ANKRD44: variants seen among roughly 807,000 people sequenced by gnomAD.
The protein encoded by ANKRD44 is serine/threonine-protein phosphatase 6 regulatory ankyrin repeat subunit B.
In ANKRD44, 35 loss-of-function variants were observed where a neutral mutation model predicts 116.0. The ratio of observed to expected loss-of-function variants is 0.30; its 90% confidence interval spans 0.23 to 0.40. The LOEUF (loss-of-function observed/expected upper bound fraction) is 0.40. Ranked by LOEUF, ANKRD44 falls within the 10% of genes least tolerant of loss-of-function variation. The probability of loss-of-function intolerance (pLI) is 1.00; values close to 1 mark genes in which losing one functional copy is unlikely to be tolerated. For missense variants in ANKRD44, 1,014 were observed against 1,242.6 expected (o/e 0.82, Z 2.77); for synonymous variants, 435 against 461.8 (o/e 0.94, Z 0.74).
chr2:197,237,149 T>G (rs2081996636), intron 1 of ANKRD44, among the ~76,000 whole-genome samples: 1 of 152,206 alleles, frequency 6.6e-6, no homozygotes, highest in Non-Finnish European at 1.5e-5. Context: ...ACTGTATTAT[T>G]TCTTTCCCTT....
chr2:197,143,407 G>A (rs925283684), intron 3 of ANKRD44, among the ~76,000 whole-genome samples: 2 of 130,980 alleles, frequency 1.5e-5, no homozygotes, highest in African/African-American at 5.9e-5. Context: ...GTGTCCATGT[G>A]TTCTCACTGT....
At chr2:197,209,579 C>A (rs1179358883) in intron 1 of ANKRD44, among the ~76,000 whole-genome samples, 1 of 152,218 alleles carries the variant, frequency 6.6e-6, no homozygotes, top group African/African-American at 2.4e-5. Context: ...CAATCATTAC[C>A]AGTCAATAAC....
intron 1 of ANKRD44, among the ~76,000 whole-genome samples, chr2:197,260,970 G>T (rs1377357913): frequency 1.3e-5 from 2 of 150,100 alleles, no homozygotes; most frequent in Non-Finnish European, 3.0e-5. Context: ...GTAGATTCTG[G>T]ATATTAGCCC....
chr2:197,195,800 G>A (rs1267333291), intron 1 of ANKRD44, among the ~76,000 whole-genome samples: 1 of 152,184 alleles, frequency 6.6e-6, no homozygotes, highest in African/African-American at 2.4e-5. Context: ...CATCCATAAA[G>A]AGAAAGGCAA....
chr2:197,087,636 A>G (rs2077956833), intron 12 of ANKRD44, among the ~76,000 whole-genome samples: 1 of 152,190 alleles, frequency 6.6e-6, no homozygotes, highest in African/African-American at 2.4e-5. Flanking sequence ...TCCTCACCCC[A>G]CACCCACCCT....
At chr2:197,238,099 G>C (rs2082013422) in intron 1 of ANKRD44, among the ~76,000 whole-genome samples, 1 of 152,176 alleles carries the variant, frequency 6.6e-6, no homozygotes, top group Non-Finnish European at 1.5e-5. Context: ...ATGTGTTCTG[G>C]TAGCTTCCTG....
At chr2:197,153,964 ATGTC>A (rs1445544673) in intron 2 of ANKRD44, among the ~76,000 whole-genome samples, 3 of 152,094 alleles carry the variant, frequency 2.0e-5, no homozygotes, top group Non-Finnish European at 2.9e-5. Context: ...ACCTTTGTAC[ATGTC>A]TGTCTGTGCA....
intron 1 of ANKRD44, among the ~76,000 whole-genome samples, chr2:197,295,077 G>A (rs138954093): frequency 5.5e-4 from 84 of 152,288 alleles, no homozygotes; most frequent in Middle Eastern, 3.4e-3. Context: ...GTTTTAAGGA[G>A]GATTGTTTCT....
At chr2:197,125,543 T>C (rs2078956135) in intron 5 of ANKRD44, 75 bp from the exon 6 acceptor site, 15 of 1,332,914 alleles carry the variant, frequency 1.1e-5, no homozygotes, top group Non-Finnish European at 1.5e-5. Context: ...GCAGATGATC[T>C]GAGCCAAATT....
intron 16 of ANKRD44, among the ~76,000 whole-genome samples, chr2:197,045,420 C>A (rs956806575): frequency 6.6e-6 from 1 of 152,276 alleles, no homozygotes; most frequent in East Asian, 1.9e-4. Context: ...TACAATCCCA[C>A]CTGTAGTGTC....
At chr2:197,061,596 T>C (rs1024406631) in intron 16 of ANKRD44, among the ~76,000 whole-genome samples, 7 of 152,274 alleles carry the variant, frequency 4.6e-5, no homozygotes, top group Non-Finnish European at 7.4e-5. Flanking sequence ...TCCGAAGGAA[T>C]TGGAGCAGAG....
chr2:197,027,105 A>G (rs919156597), intron 16 of ANKRD44, among the ~76,000 whole-genome samples: 3 of 152,034 alleles, frequency 2.0e-5, no homozygotes, highest in Non-Finnish European at 4.4e-5. Flanking sequence ...TCATGTCTGT[A>G]ATCCCAGCAC....
chr2:197,218,465 C>T (rs2081501290), intron 1 of ANKRD44, among the ~76,000 whole-genome samples: 1 of 152,182 alleles, frequency 6.6e-6, no homozygotes, highest in African/African-American at 2.4e-5. Context: ...GAACCATTTA[C>T]CTGGGTTTTC....
chr2:196,991,324 C>CA (rs1189479965), intron 27 of ANKRD44, among the ~76,000 whole-genome samples: 1 of 152,170 alleles, frequency 6.6e-6, no homozygotes, highest in Non-Finnish European at 1.5e-5. Context: ...CCATGAGCCT[C>CA]AGGCCTGGGC....
chr2:197,059,122 T>C (rs1386242643), intron 16 of ANKRD44, among the ~76,000 whole-genome samples: 2 of 152,078 alleles, frequency 1.3e-5, no homozygotes. Context: ...TTTATTTGCC[T>C]AGGGCCAGAG....
intron 1 of ANKRD44, among the ~76,000 whole-genome samples, chr2:197,194,796 C>T (rs1559139821): frequency 6.6e-6 from 1 of 152,112 alleles, no homozygotes; most frequent in Non-Finnish European, 1.5e-5. Context: ...ATAAAATAAT[C>T]TTACCAAAAG....
chr2:197,272,404 A>C (rs1425771108), intron 1 of ANKRD44, among the ~76,000 whole-genome samples: 1 of 151,960 alleles, frequency 6.6e-6, no homozygotes, highest in East Asian at 1.9e-4. Flanking sequence ...CGCCCAGCTA[A>C]TTTTTGTACT....
rs138961430 is a variant in ANKRD44 at position 197,161,510 on chromosome 2, A to C, written c.112-14405T>G. ...AACCTTGCCTCTGAGAGAATCAAGA[A>C]TGCAAGAATAGAGTCTTCTCCTACA... On this transcript the variant is annotated intron_variant, in intron 2 of 27. Coordinates refer to ENST00000282272, the MANE Select transcript of ANKRD44 (RefSeq NM_001195144.2). Among the ~76,000 whole-genome samples, 360 of 152,320 alleles carry C rather than the reference A, an allele frequency of 2.4e-3. 3 individuals are homozygous for C. The highest frequency in any genetic ancestry group is 8.1e-3 in the African/African-American group (336 of 41,564).
intron 2 of ANKRD44, among the ~76,000 whole-genome samples, chr2:197,179,570 T>C (rs779072000): frequency 1.3e-5 from 2 of 152,244 alleles, no homozygotes; most frequent in Non-Finnish European, 2.9e-5. Context: ...AAATGTCCAG[T>C]AATTGCAAAA....
Sources: allele counts gnomAD v4.1 joint callset (sites outside exome capture counted in the v4.1 genomes callset), GRCh38; gene constraint gnomAD v4.1.1; transcripts MANE v1.5; gene names NCBI Gene and HGNC (gene_info 2026-07-23, HGNC 2026-07-21).